Variants in ERCC6L2 observed in about 807,000 individuals in gnomAD.
The protein encoded by ERCC6L2 is ERCC excision repair 6 like 2.
A neutral mutation model predicts 132.0 loss-of-function variants in ERCC6L2; 77 were observed. The ratio of observed to expected loss-of-function variants is 0.58; its 90% confidence interval spans 0.49 to 0.71. ERCC6L2 has a LOEUF of 0.71. Ranked by LOEUF, ERCC6L2 falls within the 30% of genes least tolerant of loss-of-function variation. The pLI is 0.00. For missense variants in ERCC6L2, 1,542 were observed against 1,837.6 expected (o/e 0.84, Z 2.94); for synonymous variants, 583 against 632.4 (o/e 0.92, Z 1.17).
intron 9 of ERCC6L2, among the ~76,000 whole-genome samples, 192 bp downstream of exon 9, chr9:95,923,571 G>A (rs959848538): frequency 7.2e-5 from 11 of 152,152 alleles, no homozygotes; most frequent in African/African-American, 1.7e-4. Context: ...GTGTGCACTC[G>A]ATAGGTCCTC....
chr9:96,009,643 T>C (rs1485724163), intron 18 of ERCC6L2, among the ~76,000 whole-genome samples: 2 of 152,272 alleles, frequency 1.3e-5, no homozygotes, highest in Non-Finnish European at 2.9e-5. Flanking sequence ...CTAACTTTTC[T>C]TCACAAACTG....
intron 19 of ERCC6L2, among the ~76,000 whole-genome samples, chr9:96,032,639 C>T (rs1834474396): frequency 6.6e-6 from 1 of 152,198 alleles, no homozygotes; most frequent in South Asian, 2.1e-4. Flanking sequence ...AAACTCGAAG[C>T]CACCCCTCAC....
At chr9:96,009,255 G>A (rs1474346707) in intron 18 of ERCC6L2, among the ~76,000 whole-genome samples, 1 of 152,248 alleles carries the variant, frequency 6.6e-6, no homozygotes. Context: ...GCATGTTCAA[G>A]TGTTTCAATC....
chr9:95,947,667 T>A (rs922599086), intron 12 of ERCC6L2, among the ~76,000 whole-genome samples: 1 of 152,246 alleles, frequency 6.6e-6, no homozygotes, highest in Admixed American at 6.5e-5. Context: ...AAAGATAGGC[T>A]GACTCTCTTG....
chr9:96,013,272 A>G lies in ERCC6L2; in HGVS notation c.*69A>G, dbSNP rs1320397468. 8.3e-7 allele frequency: 1 copy of G among 1,211,026 alleles called. No homozygotes were observed. The highest frequency in any genetic ancestry group is 1.6e-5 in the African/African-American group (1 of 63,140). 75.0% of individuals were successfully genotyped at this position (1,211,026 alleles called of 1,614,324 possible). The stretch of plus-strand genomic sequence containing the variant: ...GTTTACGGCACTGGATTCCACACTG[A>G]TTCTATTATCTTGAACACAGTTGTT... On this transcript the variant is annotated 3_prime_UTR_variant, in exon 19 of 19. Transcript: ENST00000653738.
intron 2 of ERCC6L2, among the ~76,000 whole-genome samples, chr9:95,883,797 G>A (rs1827722966): frequency 6.6e-6 from 1 of 152,236 alleles, no homozygotes; most frequent in Non-Finnish European, 1.5e-5. Context: ...GGCAGAGGTT[G>A]CAGTAAGTCG....
intron 3 of ERCC6L2, among the ~76,000 whole-genome samples, chr9:95,902,546 A>G (rs745480756): frequency 7.2e-5 from 11 of 152,160 alleles, no homozygotes; most frequent in Non-Finnish European, 1.3e-4. Context: ...ATCCTTATGC[A>G]CAACTTTTGC....
At chr9:95,892,937 T>TA (rs1828247866) in intron 2 of ERCC6L2, among the ~76,000 whole-genome samples, 2 of 152,230 alleles carry the variant, frequency 1.3e-5, no homozygotes, top group Admixed American at 6.5e-5. Context: ...ATGTAATTCT[T>TA]ATGTATGGAT....
chr9:96,002,942 T>C (rs1320106055), intron 17 of ERCC6L2, among the ~76,000 whole-genome samples: 2 of 152,206 alleles, frequency 1.3e-5, no homozygotes, highest in Non-Finnish European at 2.9e-5. Context: ...TTTAGCATTT[T>C]AGAAACTTTG....
intron 17 of ERCC6L2, among the ~76,000 whole-genome samples, chr9:95,987,624 C>T (rs1184014729): frequency 6.6e-6 from 1 of 152,202 alleles, no homozygotes; most frequent in African/African-American, 2.4e-5. Flanking sequence ...TCTCTCATGA[C>T]TGCTTCCATG....
At chr9:95,963,800 A>T (rs1039912372) in intron 13 of ERCC6L2, among the ~76,000 whole-genome samples, 2 of 152,116 alleles carry the variant, frequency 1.3e-5, no homozygotes, top group East Asian at 3.9e-4. Context: ...GGTCCATTTG[A>T]TGTTTCCTCA....
chr9:95,941,447 C>A lies in ERCC6L2; in HGVS notation c.1752-7C>A. The A allele has an allele frequency of 6.3e-7, 1 of 1,585,738 alleles. No homozygotes were observed. Among genetic ancestry groups the A allele is most frequent in the Non-Finnish European group, 8.6e-7 (1 of 1,164,180 alleles). ...TAATGTGCTTTTTTTTTTTCTCTTT[C>A]CTCCAGGGCTGGTGGACTAGGCCTC... On this transcript the variant is annotated splice_polypyrimidine_tract_variant and splice_region_variant and intron_variant, in intron 11 of 18. Coordinates refer to ENST00000653738, the MANE Select transcript of ERCC6L2 (RefSeq NM_020207.7).
rs75729479 is a variant in ERCC6L2 at position 96,038,994 on chromosome 9, C to T, written c.*1622C>T. Reference sequence around the variant, plus strand: ...GGGACAGAGGCCTCCTGCCCACAGCCGTGGAGATGAACCACCTTGGAGACA... The same window carrying T: ...GGGACAGAGGCCTCCTGCCCACAGCTGTGGAGATGAACCACCTTGGAGACA... On this transcript the variant is annotated 3_prime_UTR_variant and NMD_transcript_variant, in exon 20 of 21. Transcript: ENST00000670016. 2.3e-3 allele frequency: 1,046 copies of T among 452,748 alleles called. 20 individuals are homozygous for T. The highest frequency in any genetic ancestry group is 0.015 in the South Asian group (997 of 64,344). The allele number at this position is 452,748 out of a possible 1,614,324, so 28.0% of individuals were successfully genotyped here.
chr9:95,978,131 C>T lies in ERCC6L2; in HGVS notation c.3408C>T (p.His1136=). The change falls in exon 17 of 19, where the codon CAC becomes CAT. Residue 1136 remains histidine (H), a synonymous_variant. Transcript: ENST00000653738. ...TTGGATCGAGCAAAGCTGAAAATCA[C>T]ATGAGCCGATGGGCAGCACATGACG... The part of the protein sequence containing the change: ...NVIGSSKAEN[H]MSRWAAHDVF... 7.3e-7 allele frequency: 1 copy of T among 1,367,434 alleles called. No individual in the cohort carries two copies. Among genetic ancestry groups the T allele is most frequent in the Non-Finnish European group, 9.8e-7 (1 of 1,021,774 alleles). The allele number at this position is 1,367,434 out of a possible 1,614,324, so 84.7% of individuals were successfully genotyped here. A position where few individuals can be genotyped will look rare whatever the true frequency, so the allele number is the denominator to read the frequency against.
downstream of ERCC6L2, chr9:96,020,155 C>T (rs1235474784): frequency 4.5e-5 from 7 of 154,622 alleles, no homozygotes; most frequent in Non-Finnish European, 4.3e-5. Context: ...GCACTCCAGC[C>T]TGAGTGACAG....
chr9:95,978,377 T>C (rs549875025), intron 17 of ERCC6L2, among the ~76,000 whole-genome samples, 162 bp downstream of exon 17: 1 of 152,354 alleles, frequency 6.6e-6, no homozygotes, highest in East Asian at 1.9e-4. Context: ...ACTGTAGTCA[T>C]TGAAGACGTT....
chr9:95,944,198 G>A (rs767352655), intron 12 of ERCC6L2, among the ~76,000 whole-genome samples: 8 of 152,146 alleles, frequency 5.3e-5, no homozygotes, highest in Non-Finnish European at 1.2e-4. Context: ...GCCTTAAAAA[G>A]AAATGAAATT....
At chr9:95,977,568 C>T (rs999656110) in intron 16 of ERCC6L2, among the ~76,000 whole-genome samples, 1 of 152,088 alleles carries the variant, frequency 6.6e-6, no homozygotes, top group African/African-American at 2.4e-5. Flanking sequence ...TTGACATTCT[C>T]TGGGCATATG....
At chr9:95,907,863 A>ACACACACACACC (rs1259450173) in intron 4 of ERCC6L2, among the ~76,000 whole-genome samples, 2 of 150,134 alleles carry the variant, frequency 1.3e-5, no homozygotes, top group African/African-American at 5.0e-5. Flanking sequence ...ACACCCCCAC[A>ACACACACACACC]CCCACACACC....
Sources: gnomAD v4.1 joint callset for allele counts (sites outside exome capture counted in the v4.1 genomes callset) on GRCh38, gnomAD v4.1.1 for gene constraint, MANE v1.5 for transcripts, NCBI Gene and HGNC (gene_info 2026-07-23, HGNC 2026-07-21) for gene names.